Variants in AOPEP observed in about 807,000 individuals in gnomAD.
AOPEP encodes the protein aminopeptidase O.
Under a neutral mutation model 98.1 loss-of-function variants are expected in AOPEP, and 77 were observed. The ratio of observed to expected loss-of-function variants is 0.78; its 90% CI spans 0.65 to 0.95. AOPEP has a LOEUF of 0.95. Among genes scored for constraint, AOPEP ranks in the 40% least tolerant of loss-of-function variants. The pLI is 0.00. For missense variants in AOPEP, 1,024 were observed against 1,024.7 expected (o/e 1.00, Z 0.01); for synonymous variants, 346 against 365.3 (o/e 0.95, Z 0.60).
intron 11 of AOPEP, among the ~76,000 whole-genome samples, chr9:94,998,764 T>C (rs117765259): frequency 0.015 from 2,245 of 152,346 alleles, 29 homozygotes; most frequent in Middle Eastern, 0.082. Flanking sequence ...TGTTTCACAG[T>C]AGGCATTTAA....
rs2067982026 is a variant in AOPEP at position 95,067,075 on chromosome 9, A to G, written c.2232+6265A>G. Among the ~76,000 whole-genome samples, 3 of 152,182 alleles carry G rather than the reference A, an allele frequency of 2.0e-5. 1 individual carries two copies. Among genetic ancestry groups the G allele is most frequent in the South Asian group, 4.1e-4 (2 of 4,832 alleles). Reference sequence around the variant, plus strand: ...GGCTCACTCTGCCACAGCTCTCAACATAGCTTTCCAGGTGGCTTTTCTGCC... The same window carrying G: ...GGCTCACTCTGCCACAGCTCTCAACGTAGCTTTCCAGGTGGCTTTTCTGCC... On this transcript the variant is annotated intron_variant, in intron 14 of 16. Transcript: ENST00000375315.
intron 5 of AOPEP, among the ~76,000 whole-genome samples, chr9:94,837,482 C>G (rs1448403046): frequency 6.6e-6 from 1 of 152,164 alleles, no homozygotes; most frequent in Non-Finnish European, 1.5e-5. Context: ...TTCAGTATCC[C>G]TGATGAACAT....
At chr9:95,098,964 G>T in the AOPEP span, 1 of 173,554 alleles carries the variant, frequency 5.8e-6, no homozygotes, top group Non-Finnish European at 1.2e-5. Flanking sequence ...GGCACATCTA[G>T]GTTTCCTGAG....
At chr9:94,888,450 C>T (rs2048489269) in intron 5 of AOPEP, among the ~76,000 whole-genome samples, 4 of 152,118 alleles carry the variant, frequency 2.6e-5, no homozygotes, top group African/African-American at 2.4e-5. Flanking sequence ...AACCACAATA[C>T]AGTATCAAAA....
intron 13 of AOPEP, among the ~76,000 whole-genome samples, chr9:95,044,084 C>G (rs1002048575): frequency 2.6e-5 from 4 of 152,180 alleles, no homozygotes; most frequent in Admixed American, 6.5e-5. Context: ...GGGAGAAAAG[C>G]ACCATCTGCA....
At chr9:95,101,554 T>TA in the AOPEP span, 8 of 891,874 alleles carry the variant, frequency 9.0e-6, no homozygotes, top group African/African-American at 1.7e-5. Context: ...GTAAAATAGA[T>TA]ACTAGCAGAT....
the AOPEP span, among the ~76,000 whole-genome samples, chr9:95,096,894 C>T: frequency 5.3e-5 from 8 of 152,322 alleles, no homozygotes; most frequent in African/African-American, 1.4e-4. Flanking sequence ...TGTCTACAAC[C>T]GTTAGTGTCT....
At chr9:95,128,566 G>T in the AOPEP span, among the ~76,000 whole-genome samples, 19 of 152,300 alleles carry the variant, frequency 1.2e-4, no homozygotes, top group African/African-American at 3.6e-4. Context: ...ATGTAGATTA[G>T]GGCTACTATG....
chr9:94,817,945 A>G (rs905637089), intron 5 of AOPEP, among the ~76,000 whole-genome samples: 3 of 152,222 alleles, frequency 2.0e-5, no homozygotes, highest in African/African-American at 7.2e-5. Context: ...GGAGAATGGA[A>G]GCCTCTTCCT....
chr9:95,147,816 G>C, the AOPEP span, among the ~76,000 whole-genome samples: 2 of 152,146 alleles, frequency 1.3e-5, no homozygotes, highest in Admixed American at 6.5e-5. Context: ...ATGTCACCAA[G>C]AGAACTGTAC....
At chr9:94,933,774 G>T (rs1331079480) in intron 7 of AOPEP, 1 of 614,118 alleles carries the variant, frequency 1.6e-6, no homozygotes, top group Non-Finnish European at 2.0e-6. Flanking sequence ...TTGAGACAGA[G>T]TGTCGCTCTG....
chr9:94,933,503 T>C (rs2055725868), intron 7 of AOPEP: 9 of 985,428 alleles, frequency 9.1e-6, no homozygotes, highest in Non-Finnish European at 1.1e-5. Context: ...GAACTCTTAA[T>C]CTTAGCTGCT....
chr9:94,835,102 T>C (rs995461554), intron 5 of AOPEP, among the ~76,000 whole-genome samples: 1 of 152,148 alleles, frequency 6.6e-6, no homozygotes, highest in Non-Finnish European at 1.5e-5. Flanking sequence ...TCAACAGAAA[T>C]GCTAAGTTAT....
intron 5 of AOPEP, chr9:94,809,857 G>T (rs189926044): frequency 2.1e-4 from 33 of 154,892 alleles, no homozygotes; most frequent in Middle Eastern, 1.1e-3. Flanking sequence ...ATTGGCACGT[G>T]CCCTGGGCTC....
At chr9:94,787,141 A>G (rs1463455722) in intron 3 of AOPEP, among the ~76,000 whole-genome samples, 1 of 152,226 alleles carries the variant, frequency 6.6e-6, no homozygotes, top group Non-Finnish European at 1.5e-5. Context: ...GTTTTAACAT[A>G]TTTTTATTGG....
At chr9:95,047,028 A>T (rs1420326559) in intron 13 of AOPEP, among the ~76,000 whole-genome samples, 1 of 152,198 alleles carries the variant, frequency 6.6e-6, no homozygotes, top group Non-Finnish European at 1.5e-5. Context: ...TAGAGAGGCA[A>T]ATTTAGTTGC....
At chr9:94,780,367 C>T (rs1464865490) in intron 3 of AOPEP, among the ~76,000 whole-genome samples, 1 of 151,472 alleles carries the variant, frequency 6.6e-6, no homozygotes, top group African/African-American at 2.4e-5. Context: ...TTTTTTTTCC[C>T]CAAATTCCAG....
rs555490344 is a variant in AOPEP at position 95,006,055 on chromosome 9, C to T, written c.2115+439C>T. On this transcript the variant is annotated intron_variant, in intron 13 of 16. Transcript: ENST00000375315. ...GAGAGAAGAAGAAAGAAGTGGATTA[C>T]TTTTAAAACACTAGGAGGAATTTTA... The T allele has an allele frequency of 2.8e-5, 13 of 472,506 alleles. No individual in the cohort carries two copies. The East Asian group carries it at 9.0e-4, about 33-fold the overall frequency. The allele number at this position is 472,506 out of a possible 1,614,324, so 29.3% of individuals were successfully genotyped here.
Position 94,800,899 on chromosome 9 carries a change from C to T in AOPEP, c.1261C>T (p.Pro421Ser), listed in dbSNP as rs1848077084. 9.9e-6 allele frequency: 16 copies of T among 1,613,982 alleles called. No individual in the cohort carries two copies. The highest frequency in any genetic ancestry group is 2.2e-5 in the East Asian group (1 of 44,870). Residue 421 changes from proline to serine, a missense_variant, in exon 5 of 17, where the codon CCT (proline) becomes TCT (serine). Pro to Ser is a moderately conservative substitution (Grantham distance 74). Around this residue, in one of 3 missense-constraint regions of AOPEP, gnomAD observed 566 missense variants for 551.7 expected, o/e 1.03. Transcript: ENST00000375315. The part of the protein sequence containing the change: ...ACQETLLRLI[P>S]PCLSAAHSVL... ...CCAAGAGACCCTTCTGCGGCTGATC[C>T]CTCCTTGCCTCTCAGCAGCACATTC...
Sources: gnomAD v4.1 joint callset for allele counts (sites outside exome capture counted in the v4.1 genomes callset) on GRCh38, gnomAD v4.1.1 for gene constraint, gnomAD v4.1.1 regional missense constraint, MANE v1.5 for transcripts, NCBI Gene and HGNC (gene_info 2026-07-23, HGNC 2026-07-21) for gene names.